CDH4: variants seen among roughly 807,000 people sequenced by gnomAD.
CDH4 encodes cadherin 4, also known as cadherin-4.
In CDH4, 33 loss-of-function variants were observed where a neutral mutation model predicts 86.0. The ratio of observed to expected loss-of-function variants is 0.38; its 90% confidence interval spans 0.29 to 0.51. CDH4 has a LOEUF of 0.51. Among genes scored for constraint, CDH4 ranks in the 20% least tolerant of loss-of-function variants. The pLI is 0.86. For synonymous variants in CDH4, 555 were observed against 549.4 expected, an observed-to-expected ratio of 1.01 and a Z score of -0.14; for missense variants, 1,114 against 1,307.4, an observed-to-expected ratio of 0.85 and a Z score of 2.28.
intron 3 of CDH4, among the ~76,000 whole-genome samples, chr20:61,763,674 T>C (rs1374475511): frequency 1.3e-5 from 2 of 152,014 alleles, no homozygotes; most frequent in Non-Finnish European, 2.9e-5. Context: ...TCGTCTTCCA[T>C]GGAAGGCACT....
At chr20:61,699,104 A>G (rs529684924) in intron 2 of CDH4, among the ~76,000 whole-genome samples, 1 of 152,384 alleles carries the variant, frequency 6.6e-6, no homozygotes, top group South Asian at 2.1e-4. Flanking sequence ...TGTTCTCATT[A>G]CAGCCTCGGC....
rs374889207 is a variant in CDH4 at position 61,517,976 on chromosome 20, G to A, written c.170-225587G>A. On this transcript the variant is annotated intron_variant, in intron 2 of 15. Transcript: ENST00000614565. The surrounding 1 kb of genome is among the most constrained non-coding windows in gnomAD (Gnocchi z 6.6). ...TTGCCCCTGGATGGGCCTCTCGTGT[G>A]GGGCTGGGGCAGGAGCTGCCTGCCT... 1.3e-4 allele frequency among the ~76,000 whole-genome samples: 19 copies of A among 151,402 alleles called. No homozygotes were observed. The highest frequency in any genetic ancestry group is 4.4e-4 in the African/African-American group (18 of 41,170).
intron 2 of CDH4, among the ~76,000 whole-genome samples, chr20:61,577,099 G>C (rs1433903461): frequency 6.6e-6 from 1 of 152,242 alleles, no homozygotes; most frequent in Non-Finnish European, 1.5e-5. Context: ...ATAAGTAGAT[G>C]TTTTGTGTGT....
chr20:61,557,054 G>C (rs1452152397), intron 2 of CDH4, among the ~76,000 whole-genome samples: 2 of 152,210 alleles, frequency 1.3e-5, no homozygotes, highest in Admixed American at 6.5e-5. Context: ...ATGCTTTTCA[G>C]TTTTAGCCTT....
chr20:61,911,916 A>G lies in CDH4; in HGVS notation c.1374+1309A>G, dbSNP rs542786975. Reference sequence around the variant, plus strand: ...CAGCCCGGAGCAGAGACTTAACCACAGAAATTTAAATACTCGAGAGTTGTA... The same window carrying G: ...CAGCCCGGAGCAGAGACTTAACCACGGAAATTTAAATACTCGAGAGTTGTA... On this transcript the variant is annotated intron_variant, in intron 9 of 15. Transcript: ENST00000614565. Among the ~76,000 whole-genome samples the G allele has an allele frequency of 2.0e-5, 3 of 152,350 alleles. No individual in the cohort carries two copies. In the South Asian group the frequency reaches 6.2e-4, roughly 32 times the overall value.
At position 61,843,169 on chromosome 20, in the gene CDH4, G is replaced by A. The variant is rs553108258; in HGVS notation, c.577-1499G>A. ...GAGGATCGCTTAAAGCCAGAAGTTC[G>A]GCCAGGCGCGGTGGCTCACGCCTGT... On this transcript the variant is annotated intron_variant, in intron 4 of 15. Transcript: ENST00000614565. 5.9e-5 allele frequency among the ~76,000 whole-genome samples: 9 copies of A among 151,472 alleles called. 1 individual carries two copies. Among genetic ancestry groups the A allele is most frequent in the African/African-American group, 1.7e-4 (7 of 40,828 alleles).
intron 2 of CDH4, among the ~76,000 whole-genome samples, chr20:61,706,105 G>A (rs2087826569): frequency 6.6e-6 from 1 of 151,418 alleles, no homozygotes; most frequent in African/African-American, 2.4e-5. Context: ...CATGAAACTG[G>A]GTGAGGCTGG....
chr20:61,821,349 C>G (rs1601022949), intron 4 of CDH4, among the ~76,000 whole-genome samples: 1 of 127,702 alleles, frequency 7.8e-6, no homozygotes, highest in African/African-American at 3.0e-5. Context: ...CAGCCCAGAT[C>G]CACTGCTCCA....
At chr20:61,255,706 A>T (rs532977444) in intron 2 of CDH4, among the ~76,000 whole-genome samples, 27 of 152,344 alleles carry the variant, frequency 1.8e-4, no homozygotes, top group African/African-American at 2.9e-4. Flanking sequence ...AAATTTCCAC[A>T]TTCAGGACTG....
At chr20:61,479,850 C>G (rs551546586) in intron 2 of CDH4, among the ~76,000 whole-genome samples, 1 of 152,128 alleles carries the variant, frequency 6.6e-6, no homozygotes, top group African/African-American at 2.4e-5. Context: ...TCAGGGTCGC[C>G]CCATAGCTCG....
chr20:61,705,643 C>T (rs1035409028), intron 2 of CDH4, among the ~76,000 whole-genome samples: 8 of 152,210 alleles, frequency 5.3e-5, no homozygotes, highest in Middle Eastern at 3.4e-3. Flanking sequence ...TGGGTGGGAG[C>T]GTGTAGAAAA....
At position 61,284,456 on chromosome 20, in the gene CDH4, A is replaced by G. The variant is rs139451048; in HGVS notation, c.169+29519A>G. Among the ~76,000 whole-genome samples the G allele has an allele frequency of 1.2e-4, 19 of 152,320 alleles. No individual in the cohort carries two copies. In the East Asian group the frequency reaches 3.5e-3, roughly 28 times the overall value. On this transcript the variant is annotated intron_variant, in intron 2 of 15. Coordinates refer to ENST00000614565, the MANE Select transcript of CDH4 (RefSeq NM_001794.5). ...ATCGGACATCTCTCTTCCACCTACA[A>G]ACACAGCTTCTGGGTCTGTCCAGCC...
intron 2 of CDH4, among the ~76,000 whole-genome samples, chr20:61,398,635 C>T (rs1325455471): frequency 1.3e-5 from 2 of 150,660 alleles, no homozygotes; most frequent in Non-Finnish European, 3.0e-5. Context: ...AAGGCGCACC[C>T]ACACCATGGA....
intron 2 of CDH4, among the ~76,000 whole-genome samples, chr20:61,345,587 C>T (rs770389394): frequency 3.3e-5 from 5 of 152,240 alleles, no homozygotes; most frequent in African/African-American, 4.8e-5. Flanking sequence ...ACACTCCTCA[C>T]GATGCCTTCA....
intron 2 of CDH4, among the ~76,000 whole-genome samples, chr20:61,530,135 C>A (rs557022084): frequency 1.3e-5 from 2 of 152,116 alleles, no homozygotes; most frequent in African/African-American, 4.8e-5. Context: ...CAGGTTCAAG[C>A]GATTCTCCTG....
Position 61,393,272 on chromosome 20 carries a change from C to T in CDH4, c.169+138335C>T, listed in dbSNP as rs1402499619. ...CTCCAACAAGAGGCCATCTCACGGG[C>T]GAGCCCACACACCTGGAGAGAAACA... On this transcript the variant is annotated intron_variant, in intron 2 of 15. Coordinates refer to ENST00000614565, the MANE Select transcript of CDH4 (RefSeq NM_001794.5). This position sits in a 1 kb window ranked among gnomAD's most constrained non-coding sequence, Gnocchi z 4.3. 6.6e-6 allele frequency among the ~76,000 whole-genome samples: 1 copy of T among 152,040 alleles called. No individual in the cohort carries two copies. The highest frequency in any genetic ancestry group is 1.5e-5 in the Non-Finnish European group (1 of 68,008).
chr20:61,350,046 A>T (rs1160425494), intron 2 of CDH4, among the ~76,000 whole-genome samples: 1 of 152,174 alleles, frequency 6.6e-6, no homozygotes, highest in African/African-American at 2.4e-5. Flanking sequence ...GCCGCCCTCC[A>T]GTGCCACAAG....
At chr20:61,858,041 G>A (rs1983113774) in intron 6 of CDH4, among the ~76,000 whole-genome samples, 2 of 151,460 alleles carry the variant, frequency 1.3e-5, no homozygotes, top group African/African-American at 4.9e-5. Context: ...GTGTGTCTGT[G>A]TCTGTGTGTC....
rs1225032966 is a variant in CDH4 at position 61,518,445 on chromosome 20, ATCATCCG to A, written c.170-225111_170-225105del. On this transcript the variant is annotated intron_variant, in intron 2 of 15. Coordinates refer to ENST00000614565, the MANE Select transcript of CDH4 (RefSeq NM_001794.5). This position sits in a 1 kb window ranked among gnomAD's most constrained non-coding sequence, Gnocchi z 6.3. ...TCCATCTGTCATCCACTCATCATCC[ATCATCCG>A]TCATCCACCCATCGTCCATCCATCC... is the stretch of plus-strand genomic sequence containing the variant. 6.6e-6 allele frequency among the ~76,000 whole-genome samples: 1 copy of A among 152,044 alleles called. No homozygotes were observed. The highest frequency in any genetic ancestry group is 2.4e-5 in the African/African-American group (1 of 41,412).
Sources: allele counts gnomAD v4.1 joint callset (sites outside exome capture counted in the v4.1 genomes callset), GRCh38; gene constraint gnomAD v4.1.1; non-coding constraint Gnocchi (gnomAD v3.1); transcripts MANE v1.5; gene names NCBI Gene and HGNC (gene_info 2026-07-23, HGNC 2026-07-21).